TAP1: variants seen among roughly 807,000 people sequenced by gnomAD.
The protein encoded by TAP1 is transporter 1, ATP binding cassette subfamily B member.
TAP1 carries 56 observed loss-of-function variants against 79.3 expected under a neutral mutation model. That is an observed-to-expected ratio of 0.71 (90% CI 0.57 to 0.88). The LOEUF (loss-of-function observed/expected upper bound fraction) is 0.88, where lower values mean the gene tolerates loss of function less well. Ranked by LOEUF, TAP1 falls within the 40% of genes least tolerant of loss-of-function variation. The probability of loss-of-function intolerance (pLI) is 0.00; values close to 1 mark genes in which losing one functional copy is unlikely to be tolerated. For missense variants in TAP1, 737 were observed against 936.3 expected (o/e 0.79, Z 2.78); for synonymous variants, 355 against 401.4 (o/e 0.88, Z 1.38).
chr6:32,850,925 G>T lies in TAP1; in HGVS notation c.1050+19C>A. ...GGAGATGAGGGTCTGTGTAGAGCGGGCCAACTCCATGAACATACCTGGTAC... is the reference window on the plus strand; with the variant it reads ...GGAGATGAGGGTCTGTGTAGAGCGGTCCAACTCCATGAACATACCTGGTAC... On this transcript the variant is annotated intron_variant, in intron 4 of 10. Transcript: ENST00000354258. The surrounding 1 kb of genome is among the most constrained non-coding windows in gnomAD (Gnocchi z 5.5). 6.2e-7 allele frequency: 1 copy of T among 1,607,522 alleles called. No individual in the cohort carries two copies. The highest frequency in any genetic ancestry group is 8.5e-7 in the Non-Finnish European group (1 of 1,176,190).
In TAP1 at chr6:32,853,681, C is replaced by T. The variant is rs565646119; in HGVS notation, c.-45G>A. ...CGGTCCCGGCCGGGCCTGGGACTCT[C>T]CGCGCCCCGGTGGGGCCTGAAGCTC... On this transcript the variant is annotated 5_prime_UTR_variant, in exon 1 of 11. Coordinates refer to ENST00000354258, the MANE Select transcript of TAP1 (RefSeq NM_000593.6). The surrounding 1 kb of genome is among the most constrained non-coding windows in gnomAD (Gnocchi z 8.3). The T allele has an allele frequency of 2.5e-6, 4 of 1,582,110 alleles. No homozygotes were observed. The highest frequency in any genetic ancestry group is 1.8e-5 in the Admixed American group (1 of 56,194).
chr6:32,852,382 C>A lies in TAP1; in HGVS notation c.713+6G>T, dbSNP rs1770843055. ...TTGCAGGGTGCCCCATTTTCAGCCCCCAGACCTGGCTATGGTGAGAATGGA... is the reference window on the plus strand; with the variant it reads ...TTGCAGGGTGCCCCATTTTCAGCCCACAGACCTGGCTATGGTGAGAATGGA... On this transcript the variant is annotated splice_donor_region_variant and intron_variant, in intron 2 of 10. Coordinates refer to ENST00000354258, the MANE Select transcript of TAP1 (RefSeq NM_000593.6). This position sits in a 1 kb window ranked among gnomAD's most constrained non-coding sequence, Gnocchi z 4.8. The A allele has an allele frequency of 3.7e-6, 6 of 1,613,068 alleles. No individual in the cohort carries two copies. Among genetic ancestry groups the A allele is most frequent in the Non-Finnish European group, 5.1e-6 (6 of 1,180,028 alleles).
chr6:32,845,847 G>A lies in TAP1; in HGVS notation c.2041-62C>T. The A allele has an allele frequency of 6.9e-7, 1 of 1,450,080 alleles. No homozygotes were observed. Among genetic ancestry groups the A allele is most frequent in the Non-Finnish European group, 9.5e-7 (1 of 1,053,238 alleles). 89.8% of individuals were successfully genotyped at this position (1,450,080 alleles called of 1,614,324 possible). On this transcript the variant is annotated intron_variant, in intron 10 of 10. Transcript: ENST00000354258. The surrounding 1 kb of genome is among the most constrained non-coding windows in gnomAD (Gnocchi z 4.5). ...ACCCTCAGCCCAGGGAGACACCTGT[G>A]TTTCCAGGGCTGGGACTGACCTCAC...
Position 32,845,535 on chromosome 6 carries a change from GAAGAA to G in TAP1, c.*39_*43del. ...CAGCTGTGGTTCTCCACCACAGAGA[GAAGAA>G]AAGGGAGGGAGATGGAGTGCGCAGG... On this transcript the variant is annotated 3_prime_UTR_variant, in exon 11 of 11. Coordinates refer to ENST00000354258, the MANE Select transcript of TAP1 (RefSeq NM_000593.6). This position sits in a 1 kb window ranked among gnomAD's most constrained non-coding sequence, Gnocchi z 4.5. 1 of 1,603,110 alleles carries G rather than the reference GAAGAA, an allele frequency of 6.2e-7. No individual in the cohort carries two copies. Among genetic ancestry groups the G allele is most frequent in the Non-Finnish European group, 8.5e-7 (1 of 1,171,160 alleles).
At position 32,847,241 on chromosome 6, in the gene TAP1, C is replaced by T; in HGVS notation, c.1904-37G>A. The T allele has an allele frequency of 1.2e-6, 2 of 1,608,070 alleles. No homozygotes were observed. The highest frequency in any genetic ancestry group is 1.7e-6 in the Non-Finnish European group (2 of 1,179,884). On this transcript the variant is annotated intron_variant, in intron 9 of 10. Transcript: ENST00000354258. This position sits in a 1 kb window ranked among gnomAD's most constrained non-coding sequence, Gnocchi z 4.7. ...AGGGCCAAGATGAGAACGGTATAGC[C>T]ACATGTGTGCACGCATGTACATGCA... is the stretch of plus-strand genomic sequence containing the variant.
In TAP1 at chr6:32,845,734, G is replaced by C; in HGVS notation, c.2092C>G (p.Leu698Val). 6.2e-7 allele frequency: 1 copy of C among 1,612,960 alleles called. No homozygotes were observed. The highest frequency in any genetic ancestry group is 8.5e-7 in the Non-Finnish European group (1 of 1,180,022). ...SPERYSRSVLLITQHLSLVEQ... is the reference protein window; with the variant it reads ...SPERYSRSVLVITQHLSLVEQ... Reference sequence around the variant, plus strand: ...ACCAGGCTGAGGTGCTGGGTGATGAGAAGCACTGAGCGGGAGTACCGCTCA... The same window carrying C: ...ACCAGGCTGAGGTGCTGGGTGATGACAAGCACTGAGCGGGAGTACCGCTCA... Residue 698 changes from leucine (L) to valine (V), a missense_variant, in exon 11 of 11, where the codon CTC (leucine) becomes GTC (valine). Physicochemically the swap from Leu to Val is conservative, Grantham distance 32. Transcript: ENST00000354258. This position sits in a 1 kb window ranked among gnomAD's most constrained non-coding sequence, Gnocchi z 4.5.
intron 5 of TAP1, 112 bp from the exon 6 acceptor site, chr6:32,849,230 T>A (rs1179449675): frequency 7.3e-7 from 1 of 1,361,608 alleles, no homozygotes; most frequent in African/African-American, 1.4e-5. Context: ...CTAAGTGACA[T>A]CGGCAGGCTC....
intron 7 of TAP1, 35 bp downstream of exon 7, chr6:32,848,617 G>T (rs778027543): frequency 6.2e-7 from 1 of 1,609,366 alleles, no homozygotes; most frequent in Non-Finnish European, 8.5e-7. Flanking sequence ...AATTGCAGTT[G>T]GGGCCAGTGG....
chr6:32,853,319 G>A lies in TAP1; in HGVS notation c.318C>T (p.Ala106=), dbSNP rs763472981. The A allele has an allele frequency of 4.4e-6, 7 of 1,580,312 alleles. No individual in the cohort carries two copies. The highest frequency in any genetic ancestry group is 6.0e-6 in the Non-Finnish European group (7 of 1,162,698). Residue 106 remains alanine (A), a synonymous_variant, in exon 1 of 11, where the codon GCC becomes GCT. Coordinates refer to ENST00000354258, the MANE Select transcript of TAP1 (RefSeq NM_000593.6). The surrounding 1 kb of genome is among the most constrained non-coding windows in gnomAD (Gnocchi z 8.3). ...CTCGGAACAAGGCAAGTCCCGGCAGGGCCAAGCCCAGTGCCGCAGCTAATG... is the reference window on the plus strand; with the variant it reads ...CTCGGAACAAGGCAAGTCCCGGCAGAGCCAAGCCCAGTGCCGCAGCTAATG... ...LKPLAAALGL[A]LPGLALFREL...
chr6:32,849,753 AAAT>A (rs565223367), intron 5 of TAP1: 111 of 165,124 alleles, frequency 6.7e-4, no homozygotes, highest in African/African-American at 2.6e-3. Context: ...TCCAGCTCAA[AAAT>A]AATAATAATA....
rs145691938 is a variant in TAP1, at chr6:32,847,633, G to C, written c.1783C>G (p.Leu595Val). 1.0e-4 allele frequency: 165 copies of C among 1,614,010 alleles called. 1 individual carries two copies. In the African/African-American group the frequency reaches 1.6e-3, roughly 16 times the overall value. ...GQEPQVFGRS[L>V]QENIAYGLTQ... is the part of the protein sequence containing the mutation. ...AGGCCATAGGCAATATTTTCTTGAA[G>C]ACTTCTTCCAAATACCTGTGGCTCT... Residue 595 changes from leucine (L) to valine (V), a missense_variant, in exon 9 of 11, where the codon CTT becomes GTT. Leu to Val is a conservative substitution (Grantham distance 32). Coordinates refer to ENST00000354258, the MANE Select transcript of TAP1 (RefSeq NM_000593.6). This position sits in a 1 kb window ranked among gnomAD's most constrained non-coding sequence, Gnocchi z 4.7.
rs1274337914 is a variant in TAP1 at position 32,847,789 on chromosome 6, C to T, written c.1741-114G>A. ...ACATGTCACAAAATCATACTACCTC[C>T]CTCCTGACTACACCACCATCTCCAC... is the stretch of plus-strand genomic sequence containing the variant. On this transcript the variant is annotated intron_variant, in intron 8 of 10. Coordinates refer to ENST00000354258, the MANE Select transcript of TAP1 (RefSeq NM_000593.6). This position sits in a 1 kb window ranked among gnomAD's most constrained non-coding sequence, Gnocchi z 4.7. 6.4e-7 allele frequency: 1 copy of T among 1,555,424 alleles called. No homozygotes were observed. The highest frequency in any genetic ancestry group is 8.9e-7 in the Non-Finnish European group (1 of 1,129,386).
At position 32,847,239 on chromosome 6, in the gene TAP1, G is replaced by T; in HGVS notation, c.1904-35C>A. ...AAAGGGCCAAGATGAGAACGGTATA[G>T]CCACATGTGTGCACGCATGTACATG... On this transcript the variant is annotated intron_variant, in intron 9 of 10. Coordinates refer to ENST00000354258, the MANE Select transcript of TAP1 (RefSeq NM_000593.6). The surrounding 1 kb of genome is among the most constrained non-coding windows in gnomAD (Gnocchi z 4.7). 2 of 1,607,666 alleles carry T rather than the reference G, an allele frequency of 1.2e-6. No homozygotes were observed. The highest frequency in any genetic ancestry group is 8.5e-7 in the Non-Finnish European group (1 of 1,179,814).
rs1425664616 is a variant in TAP1, at chr6:32,850,034, CT to C, written c.1248+285del. On this transcript the variant is annotated intron_variant, in intron 5 of 10. Transcript: ENST00000354258. The surrounding 1 kb of genome is among the most constrained non-coding windows in gnomAD (Gnocchi z 5.5). The stretch of plus-strand genomic sequence containing the variant: ...GAATTTATGGCGCCCTGCACTTCCC[CT>C]GAGAGGCAAAGGAAGGCCCTAGGAC... 5.6e-6 allele frequency: 3 copies of C among 538,620 alleles called. No individual in the cohort carries two copies. Among genetic ancestry groups the C allele is most frequent in the Non-Finnish European group, 1.0e-5 (3 of 299,124 alleles). The allele number at this position is 538,620 out of a possible 1,614,324, so 33.4% of individuals were successfully genotyped here.
rs765053764 is a variant in TAP1, at chr6:32,847,925, G to A, written c.1734C>T (p.His578=). 4 of 1,613,094 alleles carry A rather than the reference G, an allele frequency of 2.5e-6. No homozygotes were observed. The South Asian group carries it at 4.4e-5, about 18-fold the overall frequency. ...AAGCCACCTGCTTCCATACCTGCCT[G>A]TGCAGGTAGCGGTGCTCATATTGGG... ...PLPQYEHRYL[H]RQVAAVGQEP... Residue 578 remains histidine, a synonymous_variant, in exon 8 of 11, where the codon CAC becomes CAT. Transcript: ENST00000354258. This position sits in a 1 kb window ranked among gnomAD's most constrained non-coding sequence, Gnocchi z 4.7.
chr6:32,845,565 G>A lies in TAP1; in HGVS notation c.*14C>T, dbSNP rs1770313017. On this transcript the variant is annotated 3_prime_UTR_variant, in exon 11 of 11. Transcript: ENST00000354258. This position sits in a 1 kb window ranked among gnomAD's most constrained non-coding sequence, Gnocchi z 4.5. ...AAAGGGAGGGAGATGGAGTGCGCAG[G>A]TCTGAGAAGGCTTTCATTCTGGAGC... 1.9e-6 allele frequency: 3 copies of A among 1,612,722 alleles called. No individual in the cohort carries two copies. Among genetic ancestry groups the A allele is most frequent in the Non-Finnish European group, 2.5e-6 (3 of 1,179,834 alleles).
rs746615939 is a variant in TAP1, at chr6:32,847,113, G to A, written c.1995C>T (p.Ile665=). ...RALIRKPCVL[I]LDDATSALDA... is the part of the protein sequence containing the mutation. ...CCAGGGCACTGGTGGCATCATCCAG[G>A]ATAAGTACACACGGTTTCCGGATCA... The change falls in exon 10 of 11, where the codon ATC becomes ATT. Residue 665 remains isoleucine (I), a synonymous_variant. Transcript: ENST00000354258. This position sits in a 1 kb window ranked among gnomAD's most constrained non-coding sequence, Gnocchi z 4.7. 16 of 1,612,978 alleles carry A rather than the reference G, an allele frequency of 9.9e-6. 1 individual carries two copies. The highest frequency in any genetic ancestry group is 3.3e-4 in the Middle Eastern group (2 of 6,062).
Position 32,852,955 on chromosome 6 carries a change from C to A in TAP1, c.598+84G>T. ...CCTGCTCCACATTTCCCAGAACCCA[C>A]GCTACTCTACCTTACTGACAATTAC... is the stretch of plus-strand genomic sequence containing the variant. On this transcript the variant is annotated intron_variant, in intron 1 of 10. Coordinates refer to ENST00000354258, the MANE Select transcript of TAP1 (RefSeq NM_000593.6). This position sits in a 1 kb window ranked among gnomAD's most constrained non-coding sequence, Gnocchi z 4.8. 6.6e-7 allele frequency: 1 copy of A among 1,520,104 alleles called. No homozygotes were observed. Among genetic ancestry groups the A allele is most frequent in the South Asian group, 1.2e-5 (1 of 82,586 alleles). The allele number at this position is 1,520,104 out of a possible 1,614,324, so 94.2% of individuals were successfully genotyped here.
At position 32,848,680 on chromosome 6, in the gene TAP1, G is replaced by A; in HGVS notation, c.1538C>T (p.Pro513Leu). ...VQFQDVSFAY[P>L]NRPDVLVLQG... Reference sequence around the variant, plus strand: ...TAGCACTAAGACATCTGGGCGGTTTGGGTAGGCAAAGGAGACATCTTGGAA... The same window carrying A: ...TAGCACTAAGACATCTGGGCGGTTTAGGTAGGCAAAGGAGACATCTTGGAA... Residue 513 changes from proline (P) to leucine (L), a missense_variant, in exon 7 of 11, where the codon CCA becomes CTA. Coordinates refer to ENST00000354258, the MANE Select transcript of TAP1 (RefSeq NM_000593.6). 3 of 1,614,132 alleles carry A rather than the reference G, an allele frequency of 1.9e-6. No homozygotes were observed. Among genetic ancestry groups the A allele is most frequent in the Non-Finnish European group, 2.5e-6 (3 of 1,180,024 alleles).
Sources: gnomAD v4.1 joint callset for allele counts on GRCh38, gnomAD v4.1.1 for gene constraint, Gnocchi (gnomAD v3.1) non-coding constraint, MANE v1.5 for transcripts, NCBI Gene and HGNC (gene_info 2026-07-23, HGNC 2026-07-21) for gene names.